The following GOLM1 variants were observed in gnomAD, a reference collection of about 807,000 sequenced individuals.
The protein encoded by GOLM1 is epididymis luminal protein 46.
Under a neutral mutation model 50.5 loss-of-function variants are expected in GOLM1, and 31 were observed. That is an observed-to-expected ratio of 0.61 (90% confidence interval 0.46 to 0.83). GOLM1 has a LOEUF of 0.83. GOLM1 is among the 40% of genes least tolerant of loss of function. The pLI, the probability that GOLM1 is intolerant of heterozygous loss-of-function variation, is 0.00. For missense variants in GOLM1, 491 were observed against 501.3 expected, an observed-to-expected ratio of 0.98 and a Z score of 0.20; for synonymous variants, 178 against 192.8, an observed-to-expected ratio of 0.92 and a Z score of 0.64.
chr9:86,095,715 C>T (rs189237829), intron 1 of GOLM1, among the ~76,000 whole-genome samples: 3 of 152,268 alleles, frequency 2.0e-5, no homozygotes, highest in African/African-American at 4.8e-5. Context: ...CAAGAAGAAC[C>T]GAGAACCAGC....
chr9:86,076,454 A>AAAAAG (rs1308426072), intron 3 of GOLM1, among the ~76,000 whole-genome samples: 3 of 136,662 alleles, frequency 2.2e-5, no homozygotes, highest in Non-Finnish European at 1.5e-5. Context: ...AAAAAAAAAA[A>AAAAAG]GCCAAATTTT....
rs1231868092 is a variant in GOLM1 at position 86,099,545 on chromosome 9, G to T, written c.-156C>A. 2.0e-5 allele frequency: 3 copies of T among 148,002 alleles called. No individual in the cohort carries two copies. Among genetic ancestry groups the T allele is most frequent in the African/African-American group, 7.3e-5 (3 of 40,958 alleles). 9.2% of individuals were successfully genotyped at this position (148,002 alleles called of 1,614,324 possible). On this transcript the variant is annotated 5_prime_UTR_variant, in exon 1 of 10. Transcript: ENST00000388712. ...TGCGCCCAGCGCCTCCGCGTCCAGC[G>T]CCGCCGCGTCTCCGGCCTCCGCAGC...
intron 5 of GOLM1, among the ~76,000 whole-genome samples, chr9:86,041,562 C>A (rs866186585): frequency 1.2e-4 from 18 of 152,220 alleles, no homozygotes; most frequent in South Asian, 6.2e-4. Context: ...CCTGTCTCCC[C>A]CCGGCGCCTG....
chr9:86,048,007 C>A (rs868259039), intron 4 of GOLM1, among the ~76,000 whole-genome samples: 10 of 151,724 alleles, frequency 6.6e-5, no homozygotes, highest in African/African-American at 2.2e-4. Context: ...TAGGTAATTT[C>A]TCTTAAAGCC....
intron 3 of GOLM1, among the ~76,000 whole-genome samples, chr9:86,072,693 G>C (rs1395016898): frequency 6.6e-6 from 1 of 152,224 alleles, no homozygotes; most frequent in African/African-American, 2.4e-5. Flanking sequence ...ATGAATTACA[G>C]TCATGCATTG....
chr9:86,068,546 G>T (rs187750762), intron 3 of GOLM1, among the ~76,000 whole-genome samples: 1 of 152,316 alleles, frequency 6.6e-6, no homozygotes, highest in Admixed American at 6.5e-5. Flanking sequence ...CCAGGTCTCA[G>T]GTGACAGCTG....
chr9:86,038,565 A>G (rs1474177968), intron 6 of GOLM1, among the ~76,000 whole-genome samples: 2 of 152,182 alleles, frequency 1.3e-5, no homozygotes, highest in Non-Finnish European at 2.9e-5. Flanking sequence ...ACTGAAGAGA[A>G]GCATAGGGGA....
chr9:86,099,134 A>G (rs1835447932), intron 1 of GOLM1, among the ~76,000 whole-genome samples: 1 of 152,166 alleles, frequency 6.6e-6, no homozygotes, highest in Admixed American at 6.5e-5. Flanking sequence ...AGGGCAGGGA[A>G]TCCTCGCGAG....
intron 3 of GOLM1, among the ~76,000 whole-genome samples, chr9:86,062,392 G>A (rs1834186669): frequency 6.6e-6 from 1 of 151,894 alleles, no homozygotes; most frequent in Admixed American, 6.6e-5. Flanking sequence ...GGAGGGAGGA[G>A]AGAGGATGGG....
At chr9:86,069,379 A>C (rs1834388538) in intron 3 of GOLM1, among the ~76,000 whole-genome samples, 1 of 152,216 alleles carries the variant, frequency 6.6e-6, no homozygotes, top group Non-Finnish European at 1.5e-5. Context: ...AATTCTCATG[A>C]ACTTGCACAA....
At position 86,036,395 on chromosome 9, in the gene GOLM1, G is replaced by A. The variant is rs1447010400; in HGVS notation, c.710C>T (p.Ala237Val). The A allele has an allele frequency of 1.9e-6, 3 of 1,614,168 alleles. No individual in the cohort carries two copies. The South Asian group carries it at 3.3e-5, about 18-fold the overall frequency. ...VLGNSKSQTP[A>V]PSSEVVLDSK... ...ATCCAAAACCACTTCGGAACTGGGG[G>A]CTGGTGTCTGGGACTTGCTGTTACC... Residue 237 changes from alanine (A) to valine (V), a missense_variant, in exon 7 of 10, where the codon GCC (alanine) becomes GTC (valine). Ala to Val is a moderately conservative substitution (Grantham distance 64). Transcript: ENST00000388712.
In GOLM1 at chr9:86,038,410, C is replaced by T. The variant is rs1001269596; in HGVS notation, c.598-1903G>A. ...CACGAGGAGCGCATTACCCAGAGCT[C>T]CTGCGGGCATATTATCTGAGCCTAA... On this transcript the variant is annotated intron_variant, in intron 6 of 9. Coordinates refer to ENST00000388712, the MANE Select transcript of GOLM1 (RefSeq NM_016548.4). Among the ~76,000 whole-genome samples the T allele has an allele frequency of 3.3e-5, 5 of 152,116 alleles. No homozygotes were observed. The East Asian group carries it at 5.8e-4, about 18-fold the overall frequency.
intron 3 of GOLM1, among the ~76,000 whole-genome samples, chr9:86,059,139 T>C (rs1396528628): frequency 2.0e-5 from 3 of 152,096 alleles, no homozygotes; most frequent in Non-Finnish European, 2.9e-5. Context: ...GTCTGTCAGT[T>C]TCTCAAAAAG....
intron 1 of GOLM1, among the ~76,000 whole-genome samples, chr9:86,081,982 A>C (rs139902248): frequency 1.0e-4 from 15 of 149,724 alleles, no homozygotes; most frequent in African/African-American, 3.7e-4. Flanking sequence ...CTTCTGTTCC[A>C]GTGGTCCTCA....
intron 6 of GOLM1, among the ~76,000 whole-genome samples, chr9:86,040,525 G>T (rs1021743925): frequency 6.6e-6 from 1 of 152,144 alleles, no homozygotes; most frequent in Non-Finnish European, 1.5e-5. Context: ...GATAATTCCC[G>T]TAAAGCCCTG....
At chr9:86,064,598 A>G (rs923307406) in intron 3 of GOLM1, among the ~76,000 whole-genome samples, 17 of 151,986 alleles carry the variant, frequency 1.1e-4, no homozygotes, top group African/African-American at 4.1e-4. Context: ...TTTAAATCCC[A>G]CATCTGACCA....
intron 1 of GOLM1, among the ~76,000 whole-genome samples, chr9:86,098,549 A>G (rs972362771): frequency 2.0e-5 from 3 of 152,218 alleles, no homozygotes; most frequent in Non-Finnish European, 4.4e-5. Flanking sequence ...CAAAATCGTG[A>G]AAGTCACACA....
chr9:86,086,132 T>C (rs1834954040), intron 1 of GOLM1, among the ~76,000 whole-genome samples: 1 of 152,212 alleles, frequency 6.6e-6, no homozygotes, highest in South Asian at 2.1e-4. Context: ...CTCCAGCATC[T>C]GTGGTTTCCT....
At chr9:86,083,384 ATTTTTG>A (rs1298900641) in intron 1 of GOLM1, among the ~76,000 whole-genome samples, 1 of 152,080 alleles carries the variant, frequency 6.6e-6, no homozygotes, top group African/African-American at 2.4e-5. Context: ...GGCCTAACTA[ATTTTTG>A]TTTGTTTTTC....
Sources: allele counts gnomAD v4.1 joint callset (sites outside exome capture counted in the v4.1 genomes callset), GRCh38; gene constraint gnomAD v4.1.1; transcripts MANE v1.5; gene names NCBI Gene and HGNC (gene_info 2026-07-23, HGNC 2026-07-21).